Variants in RPS6KA5 observed in about 807,000 individuals in gnomAD.
The protein encoded by RPS6KA5 is ribosomal protein S6 kinase alpha-5.
In RPS6KA5, 27 loss-of-function variants were observed where a neutral mutation model predicts 85.5. That is an observed-to-expected ratio of 0.32 (90% CI 0.23 to 0.44). The LOEUF is 0.44. Among genes scored for constraint, RPS6KA5 ranks in the 20% least tolerant of loss-of-function variants. The pLI, the probability that RPS6KA5 is intolerant of heterozygous loss-of-function variation, is 1.00. For synonymous variants in RPS6KA5, 334 were observed against 348.2 expected, an observed-to-expected ratio of 0.96 and a Z score of 0.46; for missense variants, 811 against 980.9, an observed-to-expected ratio of 0.83 and a Z score of 2.31.
At chr14:91,021,995 G>A (rs2041803309) in intron 1 of RPS6KA5, among the ~76,000 whole-genome samples, 1 of 152,024 alleles carries the variant, frequency 6.6e-6, no homozygotes, top group African/African-American at 2.4e-5. Flanking sequence ...AACAGAGCTA[G>A]GACATACATA....
chr14:90,864,330 G>A lies in RPS6KA5; in HGVS notation c.*7744C>T, dbSNP rs539719595. 8.1e-4 allele frequency: 124 copies of A among 152,228 alleles called. No individual in the cohort carries two copies. The highest frequency in any genetic ancestry group is 2.9e-3 in the African/African-American group (119 of 41,534). The allele number at this position is 152,228 out of a possible 1,614,324, so 9.4% of individuals were successfully genotyped here. On this transcript the variant is annotated 3_prime_UTR_variant, in exon 17 of 17. Transcript: ENST00000614987. Reference sequence around the variant, plus strand: ...AATTTTTATACTTTTAGTAGAGATGGGGTTTCACCATGTTGGCCAGGCTGG... The same window carrying A: ...AATTTTTATACTTTTAGTAGAGATGAGGTTTCACCATGTTGGCCAGGCTGG...
At chr14:90,875,426 T>C in intron 14 of RPS6KA5, 66 bp from the exon 15 acceptor site, 3 of 1,426,544 alleles carry the variant, frequency 2.1e-6, no homozygotes, top group Non-Finnish European at 2.9e-6. Flanking sequence ...CTAATAATCC[T>C]AATAGTAACG....
intron 1 of RPS6KA5, among the ~76,000 whole-genome samples, chr14:91,008,400 G>T (rs928528122): frequency 5.3e-5 from 8 of 152,168 alleles, no homozygotes; most frequent in Admixed American, 3.3e-4. Context: ...TTAATAAACA[G>T]GCCTGTGGAG....
At position 90,997,782 on chromosome 14, in the gene RPS6KA5, G is replaced by A. The variant is rs149437040; in HGVS notation, c.175+3306C>T. On this transcript the variant is annotated intron_variant, in intron 2 of 16. Coordinates refer to ENST00000614987, the MANE Select transcript of RPS6KA5 (RefSeq NM_004755.4). Reference sequence around the variant, plus strand: ...TTCCAGCACTTTGGGAGGCCAAGGCGGGCAGATCGCCTGAGGTCAGGAGTT... The same window carrying A: ...TTCCAGCACTTTGGGAGGCCAAGGCAGGCAGATCGCCTGAGGTCAGGAGTT... 4.3e-3 allele frequency among the ~76,000 whole-genome samples: 654 copies of A among 152,134 alleles called. 4 individuals carry two copies. Among genetic ancestry groups the A allele is most frequent in the African/African-American group, 0.014 (600 of 41,500 alleles).
intron 3 of RPS6KA5, among the ~76,000 whole-genome samples, chr14:90,955,584 T>C (rs2038458645): frequency 6.6e-6 from 1 of 152,208 alleles, no homozygotes; most frequent in African/African-American, 2.4e-5. Flanking sequence ...TTGATTTCTT[T>C]TCTCATTCCA....
At chr14:90,906,577 G>A (rs750792970) in intron 7 of RPS6KA5, among the ~76,000 whole-genome samples, 8 of 152,000 alleles carry the variant, frequency 5.3e-5, no homozygotes, top group Non-Finnish European at 8.8e-5. Flanking sequence ...ATTTCACTAG[G>A]GGGAAAAACG....
intron 1 of RPS6KA5, among the ~76,000 whole-genome samples, chr14:91,012,851 G>A (rs2041318792): frequency 1.3e-5 from 2 of 152,232 alleles, no homozygotes; most frequent in Non-Finnish European, 2.9e-5. Context: ...GCTGGAGGAA[G>A]GAACCTTCTC....
chr14:90,871,887 T>C lies in RPS6KA5; in HGVS notation c.*187A>G, dbSNP rs943337122. On this transcript the variant is annotated 3_prime_UTR_variant, in exon 17 of 17. Transcript: ENST00000614987. ...CTAAAAAGAGTAATATGTGCTCTATTCACAGTAACATTCTCTGTCCAGTGC... is the reference window on the plus strand; with the variant it reads ...CTAAAAAGAGTAATATGTGCTCTATCCACAGTAACATTCTCTGTCCAGTGC... The C allele has an allele frequency of 7.5e-5, 50 of 667,380 alleles. No individual in the cohort carries two copies. The Admixed American group carries it at 1.5e-3, about 20-fold the overall frequency. The allele number at this position is 667,380 out of a possible 1,614,324, so 41.3% of individuals were successfully genotyped here.
chr14:91,006,837 G>A (rs2041041255), intron 1 of RPS6KA5, among the ~76,000 whole-genome samples: 1 of 152,088 alleles, frequency 6.6e-6, no homozygotes, highest in Non-Finnish European at 1.5e-5. Context: ...CCAAAGTGCT[G>A]GGATTATGGG....
intron 14 of RPS6KA5, among the ~76,000 whole-genome samples, chr14:90,880,831 CTTTTTT>C (rs560458875): frequency 7.5e-6 from 1 of 132,462 alleles, no homozygotes. Flanking sequence ...CTTTTGTAAA[CTTTTTT>C]TTTTTTTTTT....
chr14:90,908,110 G>T (rs1392308127), intron 7 of RPS6KA5, among the ~76,000 whole-genome samples: 1 of 152,138 alleles, frequency 6.6e-6, no homozygotes, highest in East Asian at 1.9e-4. Context: ...TCAGCTGCTG[G>T]GGAAAGAACA....
intron 1 of RPS6KA5, among the ~76,000 whole-genome samples, chr14:91,030,069 G>T (rs2042124067): frequency 6.6e-6 from 1 of 152,166 alleles, no homozygotes; most frequent in Admixed American, 6.6e-5. Context: ...GTTCATGTGA[G>T]CAAGCTAAAT....
intron 14 of RPS6KA5, 65 bp downstream of exon 14, chr14:90,890,422 T>G: frequency 1.1e-5 from 15 of 1,326,088 alleles, no homozygotes; most frequent in Non-Finnish European, 1.4e-5. Context: ...CAGTGAAGAG[T>G]GAGATAAGGA....
chr14:90,931,326 T>C (rs1029309983), intron 5 of RPS6KA5, among the ~76,000 whole-genome samples: 8 of 152,040 alleles, frequency 5.3e-5, no homozygotes, highest in African/African-American at 1.9e-4. Flanking sequence ...TGGGATATCA[T>C]AAGTAGTCAA....
rs576897290 is a variant in RPS6KA5 at position 90,900,282 on chromosome 14, G to A, written c.1246-41C>T. On this transcript the variant is annotated intron_variant, in intron 10 of 16. Coordinates refer to ENST00000614987, the MANE Select transcript of RPS6KA5 (RefSeq NM_004755.4). ...CATCATTTAACTTCAGAAAATGTCAGTAATACACAAAGGATCAATAAAATT... is the reference window on the plus strand; with the variant it reads ...CATCATTTAACTTCAGAAAATGTCAATAATACACAAAGGATCAATAAAATT... 9.7e-6 allele frequency: 14 copies of A among 1,442,306 alleles called. No homozygotes were observed. In the South Asian group the frequency reaches 2.1e-4, roughly 22 times the overall value. 89.3% of individuals were successfully genotyped at this position (1,442,306 alleles called of 1,614,324 possible).
intron 1 of RPS6KA5, among the ~76,000 whole-genome samples, chr14:91,057,479 G>C (rs1444851312): frequency 1.4e-5 from 2 of 144,724 alleles, no homozygotes; most frequent in African/African-American, 4.9e-5. Flanking sequence ...GGACCTTACA[G>C]TCTAATCTGT....
rs111629446 is a variant in RPS6KA5 at position 90,996,195 on chromosome 14, T to G, written c.175+4893A>C. 4.8e-3 allele frequency among the ~76,000 whole-genome samples: 692 copies of G among 142,772 alleles called. 4 individuals carry two copies. Among genetic ancestry groups the G allele is most frequent in the African/African-American group, 0.018 (616 of 33,780 alleles). The allele number at this position is 142,772 out of a possible 152,430, so 93.7% of individuals were successfully genotyped here. On this transcript the variant is annotated intron_variant, in intron 2 of 16. Coordinates refer to ENST00000614987, the MANE Select transcript of RPS6KA5 (RefSeq NM_004755.4). ...GCCCAGGCTAATTTGTTTTTTTTGTTTTTTTTTTTGTTTTTTTTTTCAGTA... is the reference window on the plus strand; with the variant it reads ...GCCCAGGCTAATTTGTTTTTTTTGTGTTTTTTTTTGTTTTTTTTTTCAGTA...
At chr14:90,996,039 T>C (rs997119649) in intron 2 of RPS6KA5, among the ~76,000 whole-genome samples, 1 of 152,242 alleles carries the variant, frequency 6.6e-6, no homozygotes, top group South Asian at 2.1e-4. Flanking sequence ...TGAGACAGGG[T>C]CTCGCTCTAT....
At chr14:91,033,863 G>C (rs747136441) in intron 1 of RPS6KA5, among the ~76,000 whole-genome samples, 4 of 152,044 alleles carry the variant, frequency 2.6e-5, no homozygotes, top group Non-Finnish European at 5.9e-5. Context: ...TAGGGAAAAA[G>C]AAAACTCAAA....
Sources: gnomAD v4.1 joint callset for allele counts (sites outside exome capture counted in the v4.1 genomes callset) on GRCh38, gnomAD v4.1.1 for gene constraint, MANE v1.5 for transcripts, NCBI Gene and HGNC (gene_info 2026-07-23, HGNC 2026-07-21) for gene names.